OPCML: variants seen among roughly 807,000 people sequenced by gnomAD.
OPCML encodes opioid-binding protein/cell adhesion molecule.
OPCML carries 13 observed loss-of-function variants against 37.8 expected under a neutral mutation model. The ratio of observed to expected loss-of-function variants is 0.34; its 90% CI spans 0.22 to 0.55. The LOEUF (loss-of-function observed/expected upper bound fraction) is 0.55, where lower values mean the gene tolerates loss of function less well. OPCML is among the 20% of genes least tolerant of loss of function. The pLI is 0.91. For missense variants in OPCML, 341 were observed against 435.6 expected, an observed-to-expected ratio of 0.78 and a Z score of 1.93; for synonymous variants, 176 against 168.8, an observed-to-expected ratio of 1.04 and a Z score of -0.33.
At chr11:132,647,048 C>T (rs1941186883) in intron 3 of OPCML, among the ~76,000 whole-genome samples, 1 of 152,188 alleles carries the variant, frequency 6.6e-6, no homozygotes, top group African/African-American at 2.4e-5. Context: ...CCTGACCTGA[C>T]ACAGAAAGGA....
chr11:133,007,635 A>T, intron 1 of OPCML: 1 of 985,370 alleles, frequency 1.0e-6, no homozygotes. Context: ...TTTATTTTGC[A>T]TTTTTATTCT....
At chr11:132,733,738 G>A (rs886280510) in intron 2 of OPCML, among the ~76,000 whole-genome samples, 110 of 152,238 alleles carry the variant, frequency 7.2e-4, no homozygotes, top group African/African-American at 2.6e-3. Context: ...AAAACACAAA[G>A]GTTACAAAAG....
chr11:133,326,763 T>G (rs1370747725), intron 1 of OPCML, among the ~76,000 whole-genome samples: 3 of 112,534 alleles, frequency 2.7e-5, no homozygotes, highest in Admixed American at 9.7e-5. Flanking sequence ...TGAGGGTGTG[T>G]GGGGCAGTGA....
chr11:132,975,115 G>A (rs1247559687), intron 1 of OPCML, among the ~76,000 whole-genome samples: 3 of 151,818 alleles, frequency 2.0e-5, no homozygotes, highest in Admixed American at 6.6e-5. Flanking sequence ...TATAGGTGCT[G>A]ATTATACAGA....
chr11:132,469,843 ATG>A (rs1312182906), intron 4 of OPCML, among the ~76,000 whole-genome samples: 1 of 74,114 alleles, frequency 1.3e-5, no homozygotes, highest in Admixed American at 2.2e-4. Context: ...GGGGGGCTGT[ATG>A]TGTGTGTATG....
intron 1 of OPCML, among the ~76,000 whole-genome samples, chr11:133,191,323 T>C (rs1329012768): frequency 1.3e-5 from 2 of 152,210 alleles, no homozygotes; most frequent in Non-Finnish European, 2.9e-5. Context: ...AATTGGTTTG[T>C]CATTTTATTA....
At chr11:132,655,939 TAA>T (rs572582149) in intron 3 of OPCML, among the ~76,000 whole-genome samples, 76 of 106,544 alleles carry the variant, frequency 7.1e-4, no homozygotes, top group Non-Finnish European at 3.4e-4. Context: ...TTTCACAAAC[TAA>T]AAAAAAAAAA....
chr11:132,686,894 C>T (rs545917069), intron 2 of OPCML, among the ~76,000 whole-genome samples: 1 of 152,188 alleles, frequency 6.6e-6, no homozygotes, highest in South Asian at 2.1e-4. Context: ...AGAGAAAAGG[C>T]CGTGGCACAG....
chr11:132,470,736 C>T (rs2096135576), intron 4 of OPCML, among the ~76,000 whole-genome samples: 1 of 152,178 alleles, frequency 6.6e-6, no homozygotes, highest in Non-Finnish European at 1.5e-5. Flanking sequence ...CCAAGGTCAT[C>T]CAGTTACCAA....
chr11:133,312,317 A>T (rs1431082122), intron 1 of OPCML, among the ~76,000 whole-genome samples: 1 of 152,204 alleles, frequency 6.6e-6, no homozygotes, highest in African/African-American at 2.4e-5. Flanking sequence ...CTACTATCAC[A>T]AAGGACATCA....
chr11:133,389,425 C>T (rs1047082926), intron 1 of OPCML, among the ~76,000 whole-genome samples: 12 of 152,108 alleles, frequency 7.9e-5, no homozygotes, highest in East Asian at 3.9e-4. Context: ...TGGATGACCT[C>T]GCCGGTTAAG....
intron 1 of OPCML, among the ~76,000 whole-genome samples, chr11:133,153,271 C>T (rs905589263): frequency 1.3e-5 from 2 of 151,570 alleles, no homozygotes; most frequent in African/African-American, 2.4e-5. Context: ...CTGTCAGCTC[C>T]GGCATGAACC....
chr11:132,578,991 G>A (rs916982877), intron 3 of OPCML, among the ~76,000 whole-genome samples: 1 of 151,796 alleles, frequency 6.6e-6, no homozygotes, highest in Middle Eastern at 3.4e-3. Context: ...AAAAAAAAAA[G>A]CAAAATTTTA....
chr11:133,375,086 C>T (rs1413747653), intron 1 of OPCML, among the ~76,000 whole-genome samples: 2 of 152,120 alleles, frequency 1.3e-5, no homozygotes, highest in Non-Finnish European at 2.9e-5. Flanking sequence ...AGCACGTGCT[C>T]TCTCCTTCTC....
chr11:132,778,931 AACACTGAATT>A (rs1946898177), intron 2 of OPCML, among the ~76,000 whole-genome samples: 1 of 151,176 alleles, frequency 6.6e-6, no homozygotes, highest in Non-Finnish European at 1.5e-5. Context: ...TACGATTAAT[AACACTGAATT>A]ACACTGAGGT....
At chr11:133,437,890 T>G (rs943999375) in intron 1 of OPCML, among the ~76,000 whole-genome samples, 1 of 152,118 alleles carries the variant, frequency 6.6e-6, no homozygotes, top group South Asian at 2.1e-4. Context: ...CCTGGCAAAC[T>G]TGCATTCAAG....
intron 4 of OPCML, among the ~76,000 whole-genome samples, chr11:132,508,381 A>G (rs998228313): frequency 1.3e-5 from 2 of 152,174 alleles, no homozygotes; most frequent in Non-Finnish European, 2.9e-5. Flanking sequence ...ACCACACCAG[A>G]TTTATTCTTG....
intron 4 of OPCML, among the ~76,000 whole-genome samples, chr11:132,493,106 G>A (rs570579612): frequency 2.0e-5 from 3 of 152,336 alleles, no homozygotes; most frequent in Non-Finnish European, 4.4e-5. Flanking sequence ...TTTCATGTCC[G>A]TCTTTTTCTG....
At chr11:133,514,331 G>A (rs1948218304) in intron 1 of OPCML, among the ~76,000 whole-genome samples, 3 of 152,322 alleles carry the variant, frequency 2.0e-5, no homozygotes, top group Admixed American at 1.3e-4. Flanking sequence ...CTGACCTCTG[G>A]AATGTGGGCT....
Sources: gnomAD v4.1 joint callset for allele counts (sites outside exome capture counted in the v4.1 genomes callset) on GRCh38, gnomAD v4.1.1 for gene constraint, MANE v1.5 for transcripts, NCBI Gene and HGNC (gene_info 2026-07-23, HGNC 2026-07-21) for gene names.